Variants in ALYREF observed in about 807,000 individuals in gnomAD.
The protein encoded by ALYREF is THO complex subunit 4.
In ALYREF, 1 loss-of-function variant was observed where a neutral mutation model predicts 25.2. The observed-to-expected ratio is 0.04, with a 90% CI of 0.01 to 0.19. The LOEUF is 0.19. Ranked by LOEUF, ALYREF falls within the 10% of genes least tolerant of loss-of-function variation. ALYREF has a pLI of 1.00. For missense variants in ALYREF, 328 were observed against 375.6 expected (o/e 0.87, Z 1.05); for synonymous variants, 193 against 153.5 (o/e 1.26, Z -1.90).
Position 81,890,789 on chromosome 17 carries a change from T to C in ALYREF, c.290A>G (p.Asp97Gly). ...PKQLPDKWQH[D>G]LFDSGFGGGA... Reference sequence around the variant, plus strand: ...ACCGCCGAAGCCACTGTCGAAAAGATCGTGCTGCCACTTGTCGGGAAGTTG... The same window carrying C: ...ACCGCCGAAGCCACTGTCGAAAAGACCGTGCTGCCACTTGTCGGGAAGTTG... The change falls in exon 2 of 6, where the codon GAT becomes GGT. Residue 97 changes from aspartate to glycine, a missense_variant. By Grantham distance (94) the Asp-to-Gly change is moderately conservative. Around this residue, in one of 3 missense-constraint regions of ALYREF, gnomAD observed 70 missense variants for 129.9 expected, o/e 0.54. Transcript: ENST00000505490. The C allele has an allele frequency of 6.2e-7, 1 of 1,614,064 alleles. No homozygotes were observed. Among genetic ancestry groups the C allele is most frequent in the Non-Finnish European group, 8.5e-7 (1 of 1,180,004 alleles).
chr17:81,891,024 G>A, intron 1 of ALYREF: 4 of 788,238 alleles, frequency 5.1e-6, no homozygotes, highest in East Asian at 2.8e-5. Context: ...AGTTCCCTTA[G>A]ACTAACTTCC....
At chr17:81,890,971 C>T in intron 1 of ALYREF, 151 bp from the exon 2 acceptor site, 2 of 1,231,412 alleles carry the variant, frequency 1.6e-6, no homozygotes, top group Non-Finnish European at 2.2e-6. Flanking sequence ...CTGCAGCTGC[C>T]CCAGCCCGAG....
intron 2 of ALYREF, 21 bp downstream of exon 2, chr17:81,890,668 C>A (rs755951129): frequency 1.9e-6 from 3 of 1,611,854 alleles, no homozygotes; most frequent in South Asian, 1.1e-5. Flanking sequence ...AACGGCTCAC[C>A]GAGAAGCCCT....
At position 81,887,974 on chromosome 17, in the gene ALYREF, G is replaced by T; in HGVS notation, c.*157C>A. The T allele has an allele frequency of 2.7e-5, 12 of 445,412 alleles. No individual in the cohort carries two copies. Among genetic ancestry groups the T allele is most frequent in the Non-Finnish European group, 3.3e-5 (10 of 299,302 alleles). 27.6% of individuals were successfully genotyped at this position (445,412 alleles called of 1,614,324 possible). A position where few individuals can be genotyped will look rare whatever the true frequency, so the allele number is the denominator to read the frequency against. On this transcript the variant is annotated 3_prime_UTR_variant, in exon 6 of 6. Transcript: ENST00000505490. ...TTTCAGAATTAAAAAAAAAAAAAAA[G>T]AAAAAAAAAAAACCTTTACATGAGT...
intron 2 of ALYREF, among the ~76,000 whole-genome samples, chr17:81,890,272 G>A (rs566974255): frequency 1.3e-5 from 2 of 152,248 alleles, no homozygotes; most frequent in African/African-American, 2.4e-5. Context: ...AAGGCAAACA[G>A]AGCCAGAAAA....
At position 81,891,371 on chromosome 17, in the gene ALYREF, G is replaced by T; in HGVS notation, c.210C>A (p.Arg70=). ...TCCTGCCGCCTCCGCCGGCCGCGCC[G>T]CGGGCGATGGCCGGCCGGTTCCGGA... ...GPIRNRPAIA[R]GAAGGGGRNR... Residue 70 remains arginine, a synonymous_variant, in exon 1 of 6, where the codon CGC becomes CGA. Coordinates refer to ENST00000505490, the MANE Select transcript of ALYREF (RefSeq NM_005782.4). 3.5e-6 allele frequency: 4 copies of T among 1,145,312 alleles called. No individual in the cohort carries two copies. The highest frequency in any genetic ancestry group is 4.3e-6 in the Non-Finnish European group (4 of 931,140). 70.9% of individuals were successfully genotyped at this position (1,145,312 alleles called of 1,614,324 possible). A position where few individuals can be genotyped will look rare whatever the true frequency, so the allele number is the denominator to read the frequency against.
At position 81,888,734 on chromosome 17, in the gene ALYREF, T is replaced by C. The variant is rs988737446; in HGVS notation, c.539-151A>G. 4.8e-6 allele frequency: 7 copies of C among 1,465,284 alleles called. No homozygotes were observed. In the African/African-American group the frequency reaches 8.5e-5, roughly 18 times the overall value. The allele number at this position is 1,465,284 out of a possible 1,614,324, so 90.8% of individuals were successfully genotyped here. On this transcript the variant is annotated intron_variant, in intron 3 of 5. Coordinates refer to ENST00000505490, the MANE Select transcript of ALYREF (RefSeq NM_005782.4). The surrounding 1 kb of genome is among the most constrained non-coding windows in gnomAD (Gnocchi z 5.8). The stretch of plus-strand genomic sequence containing the variant: ...AAGGGAAATGGCCTGGAGATACTGG[T>C]GGGAGAACAAAATGGCAAGGAAGCA...
rs750387087 is a variant in ALYREF at position 81,889,149 on chromosome 17, CCA to C, written c.538+31_538+32del. On this transcript the variant is annotated intron_variant, in intron 3 of 5. Coordinates refer to ENST00000505490, the MANE Select transcript of ALYREF (RefSeq NM_005782.4). ...GTGCCAGCCCCAAACTCCACAAGCC[CCA>C]CAGTCAGCGTGGGTCCACCCCCAGA... The C allele has an allele frequency of 6.2e-6, 10 of 1,608,140 alleles. 1 individual carries two copies. The highest frequency in any genetic ancestry group is 4.0e-5 in the African/African-American group (3 of 74,838).
At position 81,890,770 on chromosome 17, in the gene ALYREF, G is replaced by A. The variant is rs538249496; in HGVS notation, c.309C>T (p.Phe103=). The part of the protein sequence containing the change: ...KWQHDLFDSG[F]GGGAGVETGG... ...CTGTCTCCACGCCGGCACCACCGCC[G>A]AAGCCACTGTCGAAAAGATCGTGCT... The change falls in exon 2 of 6, where the codon TTC becomes TTT. Residue 103 remains phenylalanine, a synonymous_variant. Coordinates refer to ENST00000505490, the MANE Select transcript of ALYREF (RefSeq NM_005782.4). 7.4e-6 allele frequency: 12 copies of A among 1,614,076 alleles called. No homozygotes were observed. Among genetic ancestry groups the A allele is most frequent in the East Asian group, 6.7e-5 (3 of 44,886 alleles).
chr17:81,888,719 G>C lies in ALYREF; in HGVS notation c.539-136C>G. 1 of 1,482,712 alleles carries C rather than the reference G, an allele frequency of 6.7e-7. No individual in the cohort carries two copies. The highest frequency in any genetic ancestry group is 9.0e-7 in the Non-Finnish European group (1 of 1,111,218). 91.8% of individuals were successfully genotyped at this position (1,482,712 alleles called of 1,614,324 possible). ...TCAAATGCCCCCGACAAGGGAAATG[G>C]CCTGGAGATACTGGTGGGAGAACAA... is the stretch of plus-strand genomic sequence containing the variant. On this transcript the variant is annotated intron_variant, in intron 3 of 5. Transcript: ENST00000505490. The surrounding 1 kb of genome is among the most constrained non-coding windows in gnomAD (Gnocchi z 5.8).
intron 2 of ALYREF, among the ~76,000 whole-genome samples, chr17:81,890,386 CA>C (rs1231833199): frequency 1.3e-5 from 2 of 152,224 alleles, no homozygotes; most frequent in East Asian, 3.8e-4. Flanking sequence ...CTGGGTCTAA[CA>C]GCCAAAAACC....
Position 81,891,482 on chromosome 17 carries a change from G to C in ALYREF, c.99C>G (p.Gly33=). The C allele has an allele frequency of 1.6e-6, 2 of 1,214,166 alleles. No homozygotes were observed. The highest frequency in any genetic ancestry group is 1.8e-5 in the South Asian group (1 of 54,108). 75.2% of individuals were successfully genotyped at this position (1,214,166 alleles called of 1,614,324 possible). A position where few individuals can be genotyped will look rare whatever the true frequency, so the allele number is the denominator to read the frequency against. Residue 33 remains glycine (G), a synonymous_variant, in exon 1 of 6, where the codon GGC becomes GGG. Coordinates refer to ENST00000505490, the MANE Select transcript of ALYREF (RefSeq NM_005782.4). ...NRSQRGGRGG[G]RGRGRAGSQG... is the part of the protein sequence containing the mutation. ...GGGAGCCGGCCCGGCCGCGGCCCCG[G>C]CCCCCGCCCCGGCCGCCTCGCTGGC...
At chr17:81,890,239 A>G (rs1048934972) in intron 2 of ALYREF, among the ~76,000 whole-genome samples, 12 of 152,336 alleles carry the variant, frequency 7.9e-5, no homozygotes, top group Middle Eastern at 3.4e-3. Context: ...CACAGCGTAC[A>G]AGGTCTTTAT....
At chr17:81,889,592 C>T (rs1401200526) in intron 2 of ALYREF, among the ~76,000 whole-genome samples, 1 of 152,334 alleles carries the variant, frequency 6.6e-6, no homozygotes, top group African/African-American at 2.4e-5. Context: ...CCACTAGCAA[C>T]GGGCACAAAA....
Position 81,889,324 on chromosome 17 carries a change from G to A in ALYREF, c.396C>T (p.Leu132=), listed in dbSNP as rs777018296. The A allele has an allele frequency of 5.0e-6, 8 of 1,613,806 alleles. No individual in the cohort carries two copies. The highest frequency in any genetic ancestry group is 6.8e-6 in the Non-Finnish European group (8 of 1,179,672). The change falls in exon 3 of 6, where the codon CTC becomes CTT. Residue 132 remains leucine, a synonymous_variant. Coordinates refer to ENST00000505490, the MANE Select transcript of ALYREF (RefSeq NM_005782.4). The stretch of plus-strand genomic sequence containing the variant: ...TCTTCAGCGTTCCAAATTCAGCAAA[G>A]AGTTCCTGGGAGTTGCAGAGAGCAG... ...FGVSDADIQE[L]FAEFGTLKKA...
At chr17:81,889,032 A>G in intron 3 of ALYREF, 150 bp downstream of exon 3, 1 of 1,458,548 alleles carries the variant, frequency 6.9e-7, no homozygotes, top group Non-Finnish European at 9.1e-7. Flanking sequence ...TGTGTGGGGC[A>G]GCATGAGAGG....
chr17:81,891,506 G>C lies in ALYREF; in HGVS notation c.75C>G (p.Ser25Arg). 7.6e-7 allele frequency: 1 copy of C among 1,308,386 alleles called. No homozygotes were observed. The highest frequency in any genetic ancestry group is 1.6e-5 in the South Asian group (1 of 62,132). 81.0% of individuals were successfully genotyped at this position (1,308,386 alleles called of 1,614,324 possible). A position where few individuals can be genotyped will look rare whatever the true frequency, so the allele number is the denominator to read the frequency against. ...SLDDIIKLNR[S>R]QRGGRGGGRG... ...GGCCCCCGCCCCGGCCGCCTCGCTG[G>C]CTCCGGTTCAGTTTAATGATGTCGT... is the stretch of plus-strand genomic sequence containing the variant. Residue 25 changes from serine (S) to arginine (R), a missense_variant, in exon 1 of 6, where the codon AGC becomes AGG. By Grantham distance (110) the Ser-to-Arg change is moderately radical. Transcript: ENST00000505490.
rs1598290480 is a variant in ALYREF at position 81,888,780 on chromosome 17, C to G, written c.539-197G>C. On this transcript the variant is annotated intron_variant, in intron 3 of 5. Coordinates refer to ENST00000505490, the MANE Select transcript of ALYREF (RefSeq NM_005782.4). The surrounding 1 kb of genome is among the most constrained non-coding windows in gnomAD (Gnocchi z 5.8). The stretch of plus-strand genomic sequence containing the variant: ...AAGCAACCCCACCAACACCTCCTCA[C>G]TCCTTCTCAGTCCAGACTAGGTGGG... 1 of 1,445,302 alleles carries G rather than the reference C, an allele frequency of 6.9e-7. No homozygotes were observed. 89.5% of individuals were successfully genotyped at this position (1,445,302 alleles called of 1,614,324 possible).
Position 81,888,490 on chromosome 17 carries a change from A to G in ALYREF, c.602+30T>C. ...AGCGACGCAGCCTCACCCTCGGCCA[A>G]TCCCCTTCCCCAGAGGCCCCGGAAG... On this transcript the variant is annotated intron_variant, in intron 4 of 5. Coordinates refer to ENST00000505490, the MANE Select transcript of ALYREF (RefSeq NM_005782.4). This position sits in a 1 kb window ranked among gnomAD's most constrained non-coding sequence, Gnocchi z 5.8. 1.2e-6 allele frequency: 2 copies of G among 1,602,498 alleles called. No individual in the cohort carries two copies. The highest frequency in any genetic ancestry group is 2.2e-5 in the East Asian group (1 of 44,594).
Sources: allele counts gnomAD v4.1 joint callset (sites outside exome capture counted in the v4.1 genomes callset), GRCh38; gene constraint gnomAD v4.1.1; regional missense constraint gnomAD v4.1.1; non-coding constraint Gnocchi (gnomAD v3.1); transcripts MANE v1.5; gene names NCBI Gene and HGNC (gene_info 2026-07-23, HGNC 2026-07-21).